AR: variants seen among roughly 807,000 people sequenced by gnomAD.
AR encodes the protein androgen receptor, also known as dihydrotestosterone receptor.
AR carries 8 observed loss-of-function variants against 53.9 expected under a neutral mutation model. That is an observed-to-expected ratio of 0.15 (90% CI 0.09 to 0.27). The LOEUF (loss-of-function observed/expected upper bound fraction) is 0.27. Among genes scored for constraint, AR ranks in the 10% least tolerant of loss-of-function variants. The pLI is 1.00. For missense variants in AR, 639 were observed against 742.5 expected, an observed-to-expected ratio of 0.86 and a Z score of 1.62; for synonymous variants, 359 against 316.4, an observed-to-expected ratio of 1.13 and a Z score of -1.43.
chrX:67,579,720 T>C (rs1335928896), intron 1 of AR, among the ~76,000 whole-genome samples: 2 of 111,985 alleles, frequency 1.8e-5, no homozygotes, highest in African/African-American at 3.2e-5. Flanking sequence ...TATTAAAGCA[T>C]ATTTAATCTG....
Position 67,642,351 on chromosome X carries a change from T to C in AR, c.1617-905T>C, listed in dbSNP as rs186474489. Reference sequence around the variant, plus strand: ...ACTTGAATTTTTTACTATAGGAGACTGAGAATTAACCTTCCATGAAGGTTT... The same window carrying C: ...ACTTGAATTTTTTACTATAGGAGACCGAGAATTAACCTTCCATGAAGGTTT... On this transcript the variant is annotated intron_variant, in intron 1 of 7. Coordinates refer to ENST00000374690, the MANE Select transcript of AR (RefSeq NM_000044.6). Among the ~76,000 whole-genome samples the C allele has an allele frequency of 3.0e-4, 34 of 111,788 alleles. 1 individual carries two copies. Among genetic ancestry groups the C allele is most frequent in the Admixed American group, 3.8e-4 (4 of 10,520 alleles).
rs550782521 is a variant in AR, at chrX:67,597,334, G to A, written c.1617-45922G>A. ...CTGTAGTTTGCTGACCTCAGCTCTTGAACTGAGCTCTTTAACTGACCTCAG... is the reference window on the plus strand; with the variant it reads ...CTGTAGTTTGCTGACCTCAGCTCTTAAACTGAGCTCTTTAACTGACCTCAG... On this transcript the variant is annotated intron_variant, in intron 1 of 7. Transcript: ENST00000374690. 1.5e-3 allele frequency among the ~76,000 whole-genome samples: 162 copies of A among 111,518 alleles called. 2 individuals are homozygous for A. In the South Asian group the frequency reaches 0.059, roughly 41 times the overall value.
At chrX:67,548,649 T>C (rs1225666667) in intron 1 of AR, among the ~76,000 whole-genome samples, 1 of 111,333 alleles carries the variant, frequency 9.0e-6, no homozygotes. Context: ...GTTCCACATA[T>C]TTGCTAAAAA....
rs1923350635 is a variant in AR, at chrX:67,601,430, G to A, written c.1617-41826G>A. On this transcript the variant is annotated intron_variant, in intron 1 of 7. Transcript: ENST00000374690. ...TTTGTACCTTAGTGTATATATTATG[G>A]GATTTCAGCGTTAGAAGAGCTCTTA... is the stretch of plus-strand genomic sequence containing the variant. Among the ~76,000 whole-genome samples, 3 of 111,321 alleles carry A rather than the reference G, an allele frequency of 2.7e-5. 1 individual carries two copies. The Admixed American group carries it at 2.9e-4, about 11-fold the overall frequency.
chrX:67,650,647 A>G (rs1328083993), intron 2 of AR, among the ~76,000 whole-genome samples: 2 of 112,535 alleles, frequency 1.8e-5, no homozygotes, highest in Admixed American at 1.9e-4. Flanking sequence ...TCAGATTTTC[A>G]TGTTCCTTCC....
At chrX:67,623,913 T>C (rs1924491873) in intron 1 of AR, among the ~76,000 whole-genome samples, 1 of 111,288 alleles carries the variant, frequency 9.0e-6, no homozygotes, top group Admixed American at 9.6e-5. Context: ...GGGTAGTTTA[T>C]GAAGAAAAGC....
In AR at chrX:67,599,815, C is replaced by G. The variant is rs1043377641; in HGVS notation, c.1617-43441C>G. 2.7e-5 allele frequency among the ~76,000 whole-genome samples: 3 copies of G among 111,891 alleles called. No homozygotes were observed. In the Admixed American group the frequency reaches 2.9e-4, roughly 11 times the overall value. On this transcript the variant is annotated intron_variant, in intron 1 of 7. Transcript: ENST00000374690. ...ATTTGTTTTTTATTTATTTTTAAAT[C>G]CAAACTTACAATTTTACATGTCATT...
intron 2 of AR, among the ~76,000 whole-genome samples, chrX:67,663,744 C>T (rs1927088397): frequency 8.9e-6 from 1 of 112,294 alleles, no homozygotes; most frequent in Admixed American, 9.4e-5. Flanking sequence ...CCATTCTCCC[C>T]ATCACTTTCA....
At chrX:67,633,078 A>G (rs1386893439) in intron 1 of AR, among the ~76,000 whole-genome samples, 1 of 112,372 alleles carries the variant, frequency 8.9e-6, no homozygotes, top group Non-Finnish European at 1.9e-5. Flanking sequence ...AAAGTCATGC[A>G]GCCCTTTGAA....
At chrX:67,546,804 CAG>C (rs1184264111) in intron 1 of AR, 42 bp downstream of exon 1, 1 of 1,159,687 alleles carries the variant, frequency 8.6e-7, no homozygotes, top group African/African-American at 1.8e-5. Context: ...CGGCCCAGGG[CAG>C]AGTCACTCTG....
At chrX:67,621,481 G>T (rs1038541673) in intron 1 of AR, among the ~76,000 whole-genome samples, 25 of 110,768 alleles carry the variant, frequency 2.3e-4, no homozygotes, top group African/African-American at 3.0e-4. Context: ...TCTACATTAG[G>T]TATTTCTCCT....
intron 2 of AR, among the ~76,000 whole-genome samples, chrX:67,661,606 G>C (rs1302839796): frequency 2.7e-5 from 3 of 110,793 alleles, no homozygotes; most frequent in Non-Finnish European, 5.7e-5. Context: ...GTATTTTATT[G>C]AGGATTTTTG....
intron 1 of AR, among the ~76,000 whole-genome samples, chrX:67,627,813 A>G (rs1356579648): frequency 9.0e-6 from 1 of 111,635 alleles, no homozygotes; most frequent in Non-Finnish European, 1.9e-5. Context: ...TGATTTTTGT[A>G]TAAGGTGTAA....
rs759248434 is a variant in AR at position 67,672,076 on chromosome X, G to A, written c.1769-13934G>A. 2.7e-5 allele frequency among the ~76,000 whole-genome samples: 3 copies of A among 111,310 alleles called. No homozygotes were observed. The East Asian group carries it at 8.5e-4, about 32-fold the overall frequency. ...GAATGCTTCAGCTTTTGCCTATTCAGTATGACCAATATGTAGTCTTTTATT... is the reference window on the plus strand; with the variant it reads ...GAATGCTTCAGCTTTTGCCTATTCAATATGACCAATATGTAGTCTTTTATT... On this transcript the variant is annotated intron_variant, in intron 2 of 7. Coordinates refer to ENST00000374690, the MANE Select transcript of AR (RefSeq NM_000044.6).
At chrX:67,690,553 A>G (rs773367330) in intron 3 of AR, among the ~76,000 whole-genome samples, 1 of 111,949 alleles carries the variant, frequency 8.9e-6, no homozygotes, top group South Asian at 3.7e-4. Flanking sequence ...CCATGTATCT[A>G]TCCATTCATC....
chrX:67,723,668 T>C lies in AR; in HGVS notation c.2608-18T>C. The C allele has an allele frequency of 8.3e-7, 1 of 1,209,173 alleles. No individual in the cohort carries two copies. The highest frequency in any genetic ancestry group is 1.1e-6 in the Non-Finnish European group (1 of 894,160). On this transcript the variant is annotated intron_variant, in intron 7 of 7. Transcript: ENST00000374690. ...TCCTTGTCAACCCTGTTTTTCTCCC[T>C]CTTATTGTTCCCTACAGATTGCGAG...
At chrX:67,555,305 G>T (rs1930154692) in intron 1 of AR, among the ~76,000 whole-genome samples, 1 of 111,867 alleles carries the variant, frequency 8.9e-6, no homozygotes, top group Non-Finnish European at 1.9e-5. Context: ...TCAAGCAATA[G>T]ATTAAAGATC....
rs916936716 is a variant in AR, at chrX:67,724,490, G to T, written c.*649G>T. On this transcript the variant is annotated 3_prime_UTR_variant, in exon 8 of 8. Transcript: ENST00000374690. ...GATTTTTTCATCTCCTCCCTCCACG[G>T]GAGACTTTATTTTCTGCCAATGGCT... The T allele has an allele frequency of 1.2e-5, 2 of 173,100 alleles. No homozygotes were observed. Among genetic ancestry groups the T allele is most frequent in the African/African-American group, 6.0e-5 (2 of 33,436 alleles). 14.3% of individuals were successfully genotyped at this position (173,100 alleles called of 1,213,427 possible). A position where few individuals can be genotyped will look rare whatever the true frequency, so the allele number is the denominator to read the frequency against.
intron 3 of AR, among the ~76,000 whole-genome samples, chrX:67,705,297 T>A (rs1175242332): frequency 9.0e-6 from 1 of 111,445 alleles, no homozygotes; most frequent in African/African-American, 3.3e-5. Context: ...GTTCTTCCAT[T>A]TCTTTGTATC....
Sources: gnomAD v4.1 joint callset for allele counts (sites outside exome capture counted in the v4.1 genomes callset) on GRCh38, gnomAD v4.1.1 for gene constraint, MANE v1.5 for transcripts, NCBI Gene and HGNC (gene_info 2026-07-23, HGNC 2026-07-21) for gene names.